The following SULT1C4 variants were observed in gnomAD, a reference collection of about 807,000 sequenced individuals.
SULT1C4 encodes sulfotransferase 1C4.
A neutral mutation model predicts 34.8 loss-of-function variants in SULT1C4; 32 were observed. The ratio of observed to expected loss-of-function variants is 0.92; its 90% CI spans 0.69 to 1.23. The LOEUF is 1.23. Among genes scored for constraint, SULT1C4 ranks in the 50% most tolerant of loss-of-function variants. SULT1C4 has a pLI of 0.00. For missense variants in SULT1C4, 375 were observed against 365.9 expected (o/e 1.02, Z -0.20); for synonymous variants, 111 against 120.5 (o/e 0.92, Z 0.51).
At chr2:108,378,725 CCTT>C in intron 1 of SULT1C4, among the ~76,000 whole-genome samples, 1 of 112,146 alleles carries the variant, frequency 8.9e-6, no homozygotes, top group Middle Eastern at 3.9e-3. Flanking sequence ...TGATGTACTT[CCTT>C]TTTTTTTTTT....
Position 108,381,801 on chromosome 2 carries a change from A to G in SULT1C4, c.209A>G (p.Asn70Ser), listed in dbSNP as rs965736500. ...CAGGAGATAGTGGAATTAATACAAA[A>G]TGAAGGTGATGTGGAGAAAAGTAAA... ...WTQEIVELIQNEGDVEKSKRA... is the reference protein window; with the variant it reads ...WTQEIVELIQSEGDVEKSKRA... The change falls in exon 2 of 7, where the codon AAT becomes AGT. Residue 70 changes from asparagine (N) to serine (S), a missense_variant. By Grantham distance (46) the Asn-to-Ser change is conservative. Coordinates refer to ENST00000272452, the MANE Select transcript of SULT1C4 (RefSeq NM_006588.4). 6.8e-7 allele frequency: 1 copy of G among 1,465,514 alleles called. No homozygotes were observed. Among genetic ancestry groups the G allele is most frequent in the Non-Finnish European group, 9.0e-7 (1 of 1,110,602 alleles). The allele number at this position is 1,465,514 out of a possible 1,614,324, so 90.8% of individuals were successfully genotyped here. A position where few individuals can be genotyped will look rare whatever the true frequency, so the allele number is the denominator to read the frequency against.
intron 1 of SULT1C4, among the ~76,000 whole-genome samples, chr2:108,379,597 A>T (rs1005158745): frequency 2.6e-5 from 4 of 152,334 alleles, no homozygotes; most frequent in Non-Finnish European, 5.9e-5. Flanking sequence ...TAGGTTTTTC[A>T]TGGCATTAAT....
Position 108,386,373 on chromosome 2 carries a change from GT to G in SULT1C4, c.796+6del. 6.9e-7 allele frequency: 1 copy of G among 1,439,500 alleles called. No individual in the cohort carries two copies. Among genetic ancestry groups the G allele is most frequent in the Non-Finnish European group, 9.2e-7 (1 of 1,088,686 alleles). 89.2% of individuals were successfully genotyped at this position (1,439,500 alleles called of 1,614,324 possible). A position where few individuals can be genotyped will look rare whatever the true frequency, so the allele number is the denominator to read the frequency against. On this transcript the variant is annotated splice_donor_variant, in intron 6 of 6. Transcript: ENST00000272452. LOFTEE classifies it high-confidence loss of function. ...TCCATTTCTCCATTCATGAGAAAAG[GT>G]TTTTATAGTTTATTTTCATTATAAT...
intron 3 of SULT1C4, 173 bp from the exon 4 acceptor site, chr2:108,382,902 CAAAAAAAAAAAAAAAAAA>C (rs60764322): frequency 3.9e-5 from 3 of 77,650 alleles, no homozygotes; most frequent in Non-Finnish European, 4.4e-5. Flanking sequence ...GACTCCATCT[CAAAAAAAAAAAAAAAAAA>C]AAAAAAAAAA....
intron 1 of SULT1C4, 141 bp from the exon 2 acceptor site, chr2:108,381,620 AT>A: frequency 1.0e-6 from 1 of 957,394 alleles, no homozygotes; most frequent in Non-Finnish European, 1.4e-6. Context: ...TCCAGCCTTG[AT>A]ACAGAGCAAG....
chr2:108,378,811 T>A (rs1427386468), intron 1 of SULT1C4, among the ~76,000 whole-genome samples: 2 of 150,652 alleles, frequency 1.3e-5, no homozygotes, highest in Non-Finnish European at 3.0e-5. Flanking sequence ...TCATTCCCAA[T>A]CTAGGCCCTT....
At chr2:108,383,291 C>G in intron 4 of SULT1C4, 72 bp downstream of exon 4, 1 of 1,590,916 alleles carries the variant, frequency 6.3e-7, no homozygotes, top group Non-Finnish European at 8.5e-7. Context: ...AGAATCTTTT[C>G]TTTTGACCAG....
At position 108,388,546 on chromosome 2, in the gene SULT1C4, G is replaced by A. The variant is rs1412578228; in HGVS notation, c.*1114G>A. 6.6e-6 allele frequency among the ~76,000 whole-genome samples: 1 copy of A among 152,114 alleles called. No homozygotes were observed. ...CATTTCTCTCTATTTCAGACAGATG[G>A]CAAGGTTATTTTCCTTAAAAAGACT... On this transcript the variant is annotated 3_prime_UTR_variant, in exon 7 of 7. Coordinates refer to ENST00000272452, the MANE Select transcript of SULT1C4 (RefSeq NM_006588.4).
At chr2:108,383,040 A>C in intron 3 of SULT1C4, 53 bp from the exon 4 acceptor site, 1 of 1,518,326 alleles carries the variant, frequency 6.6e-7, no homozygotes, top group Non-Finnish European at 8.8e-7. Flanking sequence ...AAAAAAAAAA[A>C]AAAAATTCCT....
At chr2:108,383,360 A>C in intron 4 of SULT1C4, 56 bp from the exon 5 acceptor site, 1 of 1,597,348 alleles carries the variant, frequency 6.3e-7, no homozygotes, top group South Asian at 1.1e-5. Flanking sequence ...TTCTCCTTTC[A>C]GTGGTATAAT....
Position 108,388,144 on chromosome 2 carries a change from G to T in SULT1C4, c.*712G>T, listed in dbSNP as rs1036522602. On this transcript the variant is annotated 3_prime_UTR_variant, in exon 7 of 7. Transcript: ENST00000272452. ...AATGCATCACTAACGTGTAAATAGT[G>T]ACTGTTTGTTCCAGCAATTTTTTGG... The T allele has an allele frequency of 6.6e-6, 1 of 152,170 alleles. No homozygotes were observed. Among genetic ancestry groups the T allele is most frequent in the African/African-American group, 2.4e-5 (1 of 41,444 alleles). 9.4% of individuals were successfully genotyped at this position (152,170 alleles called of 1,614,324 possible). A position where few individuals can be genotyped will look rare whatever the true frequency, so the allele number is the denominator to read the frequency against.
chr2:108,387,314 T>A lies in SULT1C4; in HGVS notation c.797-6T>A, dbSNP rs762512536. 1 of 1,607,534 alleles carries A rather than the reference T, an allele frequency of 6.2e-7. No homozygotes were observed. Among genetic ancestry groups the A allele is most frequent in the Non-Finnish European group, 8.5e-7 (1 of 1,175,420 alleles). ...ACTGAACCTCTCCCACATAACTGTA[T>A]TTCAGGGGCAGTGGGAGACTGGAAG... On this transcript the variant is annotated splice_polypyrimidine_tract_variant and splice_region_variant and intron_variant, in intron 6 of 6. Coordinates refer to ENST00000272452, the MANE Select transcript of SULT1C4 (RefSeq NM_006588.4).
At position 108,387,472 on chromosome 2, in the gene SULT1C4, G is replaced by C. The variant is rs756007272; in HGVS notation, c.*40G>C. ...TGAAAATGTTTTAGTTTATTACCCAGTATATTTGGGTAATAATGAAAGTTT... is the reference window on the plus strand; with the variant it reads ...TGAAAATGTTTTAGTTTATTACCCACTATATTTGGGTAATAATGAAAGTTT... On this transcript the variant is annotated 3_prime_UTR_variant, in exon 7 of 7. Transcript: ENST00000272452. 1 of 1,253,450 alleles carries C rather than the reference G, an allele frequency of 8.0e-7. No individual in the cohort carries two copies. The highest frequency in any genetic ancestry group is 1.1e-6 in the Non-Finnish European group (1 of 871,528). 77.6% of individuals were successfully genotyped at this position (1,253,450 alleles called of 1,614,324 possible).
At chr2:108,383,869 G>GGTT (rs1678497753) in intron 5 of SULT1C4, among the ~76,000 whole-genome samples, 5 of 148,510 alleles carry the variant, frequency 3.4e-5, no homozygotes, top group African/African-American at 1.3e-4. Flanking sequence ...TTTTGTTTTT[G>GGTT]TTTTTGTTTT....
At chr2:108,387,279 TC>T in intron 6 of SULT1C4, 40 bp from the exon 7 acceptor site, 1 of 1,483,402 alleles carries the variant, frequency 6.7e-7, no homozygotes, top group Non-Finnish European at 9.3e-7. Flanking sequence ...CACAGACTCT[TC>T]CAACAGCTAC....
At chr2:108,380,688 G>A (rs999982343) in intron 1 of SULT1C4, among the ~76,000 whole-genome samples, 1 of 152,130 alleles carries the variant, frequency 6.6e-6, no homozygotes, top group Admixed American at 6.6e-5. Flanking sequence ...ACTGAAGCTG[G>A]GGGATACCAT....
At chr2:108,385,027 G>A (rs958789988) in intron 5 of SULT1C4, among the ~76,000 whole-genome samples, 1 of 152,154 alleles carries the variant, frequency 6.6e-6, no homozygotes, top group Non-Finnish European at 1.5e-5. Flanking sequence ...TCAAAGGAGT[G>A]GAAAACACAG....
chr2:108,380,282 G>A (rs768463985), intron 1 of SULT1C4, among the ~76,000 whole-genome samples: 1 of 152,132 alleles, frequency 6.6e-6, no homozygotes, highest in Non-Finnish European at 1.5e-5. Flanking sequence ...GGGAGGCCAA[G>A]ACAGGGGGAT....
At chr2:108,382,562 G>A (rs1678438304) in intron 3 of SULT1C4, 80 bp downstream of exon 3, 2 of 998,004 alleles carry the variant, frequency 2.0e-6, no homozygotes, top group African/African-American at 1.6e-5. Context: ...CACTTCACTT[G>A]TTAAATATAT....
Sources: gnomAD v4.1 joint callset for allele counts (sites outside exome capture counted in the v4.1 genomes callset) on GRCh38, gnomAD v4.1.1 for gene constraint, MANE v1.5 for transcripts, NCBI Gene and HGNC (gene_info 2026-07-23, HGNC 2026-07-21) for gene names.